Variants in ALG6 observed in about 807,000 individuals in gnomAD.
ALG6 encodes the protein dolichyl pyrophosphate Man9GlcNAc2 alpha-1,3-glucosyltransferase.
In ALG6, 46 loss-of-function variants were observed where a neutral mutation model predicts 66.6. The observed-to-expected ratio is 0.69, with a 90% CI of 0.55 to 0.88. ALG6 has a LOEUF of 0.88. ALG6 is among the 40% of genes least tolerant of loss of function. The pLI is 0.00. For missense variants in ALG6, 505 were observed against 586.8 expected (o/e 0.86, Z 1.44); for synonymous variants, 185 against 203.7 (o/e 0.91, Z 0.78).
intron 2 of ALG6, among the ~76,000 whole-genome samples, chr1:63,395,727 G>A (rs555236736): frequency 5.3e-5 from 8 of 152,164 alleles, no homozygotes; most frequent in Middle Eastern, 3.4e-3. Context: ...GCAGATACTC[G>A]TGTTACTATT....
intron 12 of ALG6, among the ~76,000 whole-genome samples, chr1:63,421,889 G>C (rs1163448319): frequency 6.6e-6 from 1 of 150,772 alleles, no homozygotes; most frequent in Non-Finnish European, 1.5e-5. Context: ...GCTAGGGGAG[G>C]GATAGCATTA....
At chr1:63,422,970 A>G (rs575288757) in intron 12 of ALG6, among the ~76,000 whole-genome samples, 3 of 151,998 alleles carry the variant, frequency 2.0e-5, no homozygotes, top group African/African-American at 4.8e-5. Context: ...AACAAAGGAA[A>G]CAAAAATAGA....
At chr1:63,400,257 ATATATATATACGTATATATATATACG>A in intron 3 of ALG6, among the ~76,000 whole-genome samples, 1 of 4,006 alleles carries the variant, frequency 2.5e-4, no homozygotes, top group African/African-American at 1.3e-3. Context: ...ATATATATGT[ATATATATATACGTATATATATATACG>A]TATATATATA....
intron 2 of ALG6, among the ~76,000 whole-genome samples, chr1:63,376,634 T>A (rs1255698907): frequency 6.6e-6 from 1 of 152,144 alleles, no homozygotes; most frequent in Non-Finnish European, 1.5e-5. Context: ...GCTTTAAAAA[T>A]TACCTTTTTG....
Position 63,424,148 on chromosome 1 carries a change from A to AT in ALG6, c.1059-4575dup, listed in dbSNP as rs933887023. On this transcript the variant is annotated intron_variant, in intron 12 of 14. Transcript: ENST00000263440. ...ACAAGCCTATTTAAATCCTTTGCCT[A>AT]TTTTTTTTTTGAGACGGAGTCTCGC... Among the ~76,000 whole-genome samples the AT allele has an allele frequency of 5.2e-4, 78 of 148,668 alleles. 1 individual carries two copies. In the East Asian group the frequency reaches 7.7e-3, roughly 15 times the overall value.
chr1:63,368,053 C>T (rs1647786530), intron 1 of ALG6, among the ~76,000 whole-genome samples: 2 of 151,860 alleles, frequency 1.3e-5, no homozygotes, highest in South Asian at 2.1e-4. Context: ...GGTGGAAGGA[C>T]CTTTCAGACT....
At chr1:63,382,745 G>T (rs76760110) in intron 2 of ALG6, among the ~76,000 whole-genome samples, 2 of 142,430 alleles carry the variant, frequency 1.4e-5, no homozygotes, top group Non-Finnish European at 3.0e-5. Flanking sequence ...GCGCGATCTC[G>T]GCTCACTGCA....
chr1:63,423,004 A>G (rs1644596154), intron 12 of ALG6, among the ~76,000 whole-genome samples: 2 of 147,794 alleles, frequency 1.4e-5, no homozygotes. Flanking sequence ...GAAGAACTAA[A>G]GACAAGTAGG....
intron 3 of ALG6, among the ~76,000 whole-genome samples, chr1:63,401,545 A>G (rs1004227034): frequency 6.6e-6 from 1 of 151,822 alleles, no homozygotes; most frequent in Non-Finnish European, 1.5e-5. Flanking sequence ...GGGTGCCTGT[A>G]ATCCAAGCTA....
intron 2 of ALG6, among the ~76,000 whole-genome samples, chr1:63,393,357 T>G (rs1177024916): frequency 6.6e-6 from 1 of 152,254 alleles, no homozygotes; most frequent in Non-Finnish European, 1.5e-5. Flanking sequence ...ATGTACTATA[T>G]GCCTAGCAAT....
intron 14 of ALG6, among the ~76,000 whole-genome samples, chr1:63,435,714 A>G (rs1644675055): frequency 6.6e-6 from 1 of 152,166 alleles, no homozygotes; most frequent in African/African-American, 2.4e-5. Context: ...TAGCCACTAG[A>G]CATATATATA....
Position 63,437,043 on chromosome 1 carries a change from T to G in ALG6, c.*23T>G, listed in dbSNP as rs1334484401. The G allele has an allele frequency of 1.9e-6, 3 of 1,602,748 alleles. No homozygotes were observed. The South Asian group carries it at 3.3e-5, about 18-fold the overall frequency. The stretch of plus-strand genomic sequence containing the variant: ...TAGCTGTATTCCTAAACAAATTGTT[T>G]CCTAAACAAATGTGAAAATGTGAAC... On this transcript the variant is annotated 3_prime_UTR_variant, in exon 15 of 15. Coordinates refer to ENST00000263440, the MANE Select transcript of ALG6 (RefSeq NM_013339.4).
At chr1:63,408,065 A>G (rs1309802433) in intron 7 of ALG6, among the ~76,000 whole-genome samples, 1 of 152,208 alleles carries the variant, frequency 6.6e-6, no homozygotes, top group Non-Finnish European at 1.5e-5. Context: ...AAAACTATGC[A>G]AAATATAAAT....
chr1:63,416,628 G>T (rs1644547021), intron 11 of ALG6, among the ~76,000 whole-genome samples: 1 of 152,112 alleles, frequency 6.6e-6, no homozygotes, highest in Non-Finnish European at 1.5e-5. Flanking sequence ...TTTGATTTGT[G>T]TGCAAGAGAA....
chr1:63,382,048 C>T (rs552707169), intron 2 of ALG6, among the ~76,000 whole-genome samples: 45 of 152,018 alleles, frequency 3.0e-4, no homozygotes, highest in African/African-American at 9.6e-4. Context: ...CAGCTTGTAC[C>T]ACTGCTCCCA....
At position 63,414,400 on chromosome 1, in the gene ALG6, C is replaced by T. The variant is rs191524716; in HGVS notation, c.902+254C>T. ...TGGAGTAGCTGGGATTACAGGCGCC[C>T]GCCACATGGCCAGCTAATTTTTGTA... is the stretch of plus-strand genomic sequence containing the variant. On this transcript the variant is annotated intron_variant, in intron 10 of 14. Transcript: ENST00000263440. 6.8e-4 allele frequency among the ~76,000 whole-genome samples: 104 copies of T among 151,886 alleles called. No homozygotes were observed. The East Asian group carries it at 0.019, about 28-fold the overall frequency.
chr1:63,419,463 T>C, intron 12 of ALG6, 23 bp downstream of exon 12: 2 of 1,489,718 alleles, frequency 1.3e-6, no homozygotes, highest in Non-Finnish European at 1.9e-6. Context: ...ATTTGAAATA[T>C]GTGTTTATTT....
intron 3 of ALG6, among the ~76,000 whole-genome samples, chr1:63,399,163 C>T (rs1290041609): frequency 6.6e-6 from 1 of 152,142 alleles, no homozygotes; most frequent in Non-Finnish European, 1.5e-5. Flanking sequence ...ACTCTTGGCT[C>T]CTAGAGCTCA....
intron 9 of ALG6, 38 bp downstream of exon 9, chr1:63,412,099 A>G: frequency 6.2e-7 from 1 of 1,613,426 alleles, no homozygotes. Flanking sequence ...CTGTTACTGT[A>G]CCTTACCTGT....
Sources: gnomAD v4.1 joint callset for allele counts (sites outside exome capture counted in the v4.1 genomes callset) on GRCh38, gnomAD v4.1.1 for gene constraint, MANE v1.5 for transcripts, NCBI Gene and HGNC (gene_info 2026-07-23, HGNC 2026-07-21) for gene names.